XPO6: variants seen among roughly 807,000 people sequenced by gnomAD.
The protein encoded by XPO6 is exportin 6, also known as exportin-6.
XPO6 carries 3 observed loss-of-function variants against 130.0 expected under a neutral mutation model. The ratio of observed to expected loss-of-function variants is 0.02; its 90% CI spans 0.01 to 0.06. XPO6 has a LOEUF of 0.06. Ranked by LOEUF, XPO6 falls within the 10% of genes least tolerant of loss-of-function variation. The pLI, the probability that XPO6 is intolerant of heterozygous loss-of-function variation, is 1.00. For synonymous variants in XPO6, 524 were observed against 548.9 expected (o/e 0.95, Z 0.63); for missense variants, 970 against 1,393.0 (o/e 0.70, Z 4.83).
chr16:28,098,577 G>A lies in XPO6; in HGVS notation c.3339C>T (p.Leu1113=). The part of the protein sequence containing the change: ...RLVNDLRYYR[L]CNDSLPPGTV... ...TGCCAGGGGGCAGGCTGTCGTTGCA[G>A]AGTCTGTAGTAGCGCAGGTCGTTGA... is the stretch of plus-strand genomic sequence containing the variant. Residue 1113 remains leucine (L), a synonymous_variant, in exon 24 of 24, where the codon CTC becomes CTT. Coordinates refer to ENST00000304658, the MANE Select transcript of XPO6 (RefSeq NM_015171.4). The A allele has an allele frequency of 6.2e-7, 1 of 1,613,132 alleles. No individual in the cohort carries two copies. The highest frequency in any genetic ancestry group is 8.5e-7 in the Non-Finnish European group (1 of 1,179,374).
intron 1 of XPO6, among the ~76,000 whole-genome samples, chr16:28,201,419 C>T (rs778514489): frequency 2.0e-5 from 3 of 152,104 alleles, no homozygotes; most frequent in Non-Finnish European, 2.9e-5. Context: ...CAGAGTAAGA[C>T]GCACTCTGCT....
intron 12 of XPO6, among the ~76,000 whole-genome samples, chr16:28,131,125 G>A (rs1390631129): frequency 6.6e-6 from 1 of 152,204 alleles, no homozygotes; most frequent in East Asian, 1.9e-4. Flanking sequence ...AAGCATGTTT[G>A]TTTTGAAAGT....
intron 4 of XPO6, among the ~76,000 whole-genome samples, chr16:28,171,780 G>A (rs960745091): frequency 6.6e-6 from 1 of 152,160 alleles, no homozygotes; most frequent in African/African-American, 2.4e-5. Context: ...ATGCAGTGTA[G>A]GGAGGACAGG....
chr16:28,180,974 C>A lies in XPO6; in HGVS notation c.61G>T (p.Asp21Tyr). 1 of 1,613,644 alleles carries A rather than the reference C, an allele frequency of 6.2e-7. No individual in the cohort carries two copies. Among genetic ancestry groups the A allele is most frequent in the Non-Finnish European group, 8.5e-7 (1 of 1,179,856 alleles). ...LESLMTEFFH[D>Y]CTTNERKREI... ...CGTTTTCTTTCATTGGTTGTACAATCGTGAAAAAATTCTGTCATCAGACTT... is the reference window on the plus strand; with the variant it reads ...CGTTTTCTTTCATTGGTTGTACAATAGTGAAAAAATTCTGTCATCAGACTT... The change falls in exon 2 of 24, where the codon GAT becomes TAT. Residue 21 changes from aspartate (D) to tyrosine (Y), a missense_variant. Physicochemically the swap from Asp to Tyr is radical, Grantham distance 160 (BLOSUM62 -3). This residue lies in a region of XPO6 where 21 missense variants were observed against 34.8 expected (regional missense o/e 0.60). Transcript: ENST00000304658.
chr16:28,125,713 T>C lies in XPO6; in HGVS notation c.1742A>G (p.Asn581Ser), dbSNP rs752340359. The change falls in exon 13 of 24, where the codon AAT becomes AGT. Residue 581 changes from asparagine to serine, a missense_variant. By Grantham distance (46) the Asn-to-Ser change is conservative. Coordinates refer to ENST00000304658, the MANE Select transcript of XPO6 (RefSeq NM_015171.4). ...FIGDVFAARFNDALTVVERLV... is the reference protein window; with the variant it reads ...FIGDVFAARFSDALTVVERLV... The stretch of plus-strand genomic sequence containing the variant: ...CCTTTCCACGACTGTGAGGGCATCA[T>C]TGAACCGTGCAGCAAACACATCCCC... 1.7e-5 allele frequency: 27 copies of C among 1,614,154 alleles called. No individual in the cohort carries two copies. The South Asian group carries it at 2.5e-4, about 15-fold the overall frequency.
chr16:28,152,067 A>AT (rs988568898), intron 8 of XPO6, among the ~76,000 whole-genome samples: 1 of 129,480 alleles, frequency 7.7e-6, no homozygotes, highest in African/African-American at 3.2e-5. Flanking sequence ...AATTTTATAT[A>AT]TTTTTTATGT....
chr16:28,206,035 CAAAAAAAAA>C (rs1251090416), intron 1 of XPO6, among the ~76,000 whole-genome samples: 1 of 92,698 alleles, frequency 1.1e-5, no homozygotes, highest in African/African-American at 4.8e-5. Context: ...AAGACTGTCT[CAAAAAAAAA>C]AAAAAAAAAA....
chr16:28,154,321 A>G (rs944928824), intron 7 of XPO6: 17 of 964,354 alleles, frequency 1.8e-5, no homozygotes, highest in Non-Finnish European at 2.0e-5. Flanking sequence ...TTACTTTAGT[A>G]TCTAACCCAA....
rs1373420929 is a variant in XPO6, at chr16:28,104,678, C to T, written c.2814G>A (p.Leu938=). 2 of 1,614,146 alleles carry T rather than the reference C, an allele frequency of 1.2e-6. No individual in the cohort carries two copies. Among genetic ancestry groups the T allele is most frequent in the East Asian group, 2.2e-5 (1 of 44,878 alleles). The change falls in exon 21 of 24, where the codon CTG becomes CTA. Residue 938 remains leucine (L), a synonymous_variant. Transcript: ENST00000304658. ...ERPSPDVKAE[L]FELLFRTLHH... is the part of the protein sequence containing the mutation. ...GGAGCGTCCGGAAAAGGAGCTCAAACAGCTCGGCCTTCACATCAGGGGAGG... is the reference window on the plus strand; with the variant it reads ...GGAGCGTCCGGAAAAGGAGCTCAAATAGCTCGGCCTTCACATCAGGGGAGG...
intron 5 of XPO6, among the ~76,000 whole-genome samples, chr16:28,168,781 G>GT (rs763325251): frequency 0.074 from 9,306 of 125,604 alleles, 309 homozygotes; most frequent in Middle Eastern, 0.12. Flanking sequence ...TTTTTGTTTT[G>GT]TTTTTTTTTT....
chr16:28,166,758 C>T, intron 5 of XPO6, 173 bp from the exon 6 acceptor site: 1 of 985,470 alleles, frequency 1.0e-6, no homozygotes, highest in Non-Finnish European at 1.2e-6. Context: ...CAGCTATCTT[C>T]TGGCTCTCCA....
intron 1 of XPO6, among the ~76,000 whole-genome samples, chr16:28,203,001 C>T (rs1026408564): frequency 6.6e-6 from 1 of 152,202 alleles, no homozygotes; most frequent in Non-Finnish European, 1.5e-5. Context: ...GCTGGCTGGG[C>T]GTGGTGGCTT....
intron 1 of XPO6, among the ~76,000 whole-genome samples, chr16:28,186,374 C>CTTTATTTTTTTTTTTTTTTTTTTTTTTTT: frequency 1.2e-5 from 1 of 81,442 alleles, no homozygotes; most frequent in Non-Finnish European, 2.1e-5. Flanking sequence ...CCCAGTTATT[C>CTTTATTTTTTTTTTTTTTTTTTTTTTTTT]TTTTTTTTTT....
At chr16:28,138,178 G>C (rs2042817754) in intron 9 of XPO6, among the ~76,000 whole-genome samples, 1 of 152,114 alleles carries the variant, frequency 6.6e-6, no homozygotes, top group Admixed American at 6.6e-5. Context: ...AAACTCCATA[G>C]AAAGGTAAGA....
At chr16:28,112,263 G>C (rs931562754) in intron 16 of XPO6, among the ~76,000 whole-genome samples, 1 of 152,156 alleles carries the variant, frequency 6.6e-6, no homozygotes, top group African/African-American at 2.4e-5. Context: ...TCTGATACTT[G>C]AAGTATTAGA....
At chr16:28,155,784 A>G (rs879364300) in intron 7 of XPO6, 43 of 484,852 alleles carry the variant, frequency 8.9e-5, no homozygotes, top group Non-Finnish European at 1.3e-4. Context: ...GCAAGCAAAT[A>G]GTAAGGAAAA....
intron 16 of XPO6, among the ~76,000 whole-genome samples, chr16:28,112,422 T>G (rs1264164681): frequency 6.6e-6 from 1 of 152,238 alleles, no homozygotes; most frequent in East Asian, 1.9e-4. Flanking sequence ...TGCAATCACA[T>G]CCTGGTGCCC....
intron 9 of XPO6, among the ~76,000 whole-genome samples, chr16:28,142,637 C>A (rs139217698): frequency 6.6e-6 from 1 of 152,096 alleles, no homozygotes; most frequent in Non-Finnish European, 1.5e-5. Flanking sequence ...ATGGCATGAT[C>A]ATAGCTCACT....
intron 1 of XPO6, among the ~76,000 whole-genome samples, chr16:28,204,877 C>A (rs2044003996): frequency 6.6e-6 from 1 of 152,166 alleles, no homozygotes; most frequent in Non-Finnish European, 1.5e-5. Context: ...GGATAAGCAA[C>A]ACTTATCACC....
Sources: gnomAD v4.1 joint callset for allele counts (sites outside exome capture counted in the v4.1 genomes callset) on GRCh38, gnomAD v4.1.1 for gene constraint, gnomAD v4.1.1 regional missense constraint, MANE v1.5 for transcripts, NCBI Gene and HGNC (gene_info 2026-07-23, HGNC 2026-07-21) for gene names.